Variants in SAMD5 observed in about 807,000 individuals in gnomAD.
The protein encoded by SAMD5 is sterile alpha motif domain-containing protein 5.
Under a neutral mutation model 11.3 loss-of-function variants are expected in SAMD5, and 13 were observed. That is an observed-to-expected ratio of 1.15 (90% CI 0.75 to 1.83). SAMD5 has a LOEUF of 1.83. Ranked by LOEUF, SAMD5 falls within the 40% of genes most tolerant of loss-of-function variation. The pLI, the probability that SAMD5 is intolerant of heterozygous loss-of-function variation, is 0.00. For missense variants in SAMD5, 255 were observed against 239.1 expected (o/e 1.07, Z -0.44); for synonymous variants, 129 against 111.3 (o/e 1.16, Z -1.00).
the SAMD5 span, among the ~76,000 whole-genome samples, chr6:147,864,822 C>T: frequency 6.6e-6 from 1 of 152,166 alleles, no homozygotes; most frequent in Non-Finnish European, 1.5e-5. Flanking sequence ...GTGATGCCTC[C>T]TAATCATAAG....
At chr6:147,779,780 T>C in the SAMD5 span, among the ~76,000 whole-genome samples, 1 of 152,232 alleles carries the variant, frequency 6.6e-6, no homozygotes, top group African/African-American at 2.4e-5. Flanking sequence ...GGTCTGGCAT[T>C]TGCCAGCTGT....
intron 1 of SAMD5, among the ~76,000 whole-genome samples, chr6:147,657,462 CGA>C (rs137964622): frequency 6.6e-6 from 1 of 151,390 alleles, no homozygotes; most frequent in African/African-American, 2.4e-5. Context: ...TGAGAGAGAG[CGA>C]GAGAGAGAGT....
the SAMD5 span, among the ~76,000 whole-genome samples, chr6:147,753,355 G>C: frequency 6.6e-6 from 1 of 152,146 alleles, no homozygotes; most frequent in African/African-American, 2.4e-5. Context: ...AGTTGTAACT[G>C]CTTTGCTATC....
intron 1 of SAMD5, among the ~76,000 whole-genome samples, chr6:147,602,182 A>T (rs1789627167): frequency 6.6e-6 from 1 of 152,226 alleles, no homozygotes; most frequent in African/African-American, 2.4e-5. Flanking sequence ...CACTTCTTAG[A>T]TATCTTTCAT....
chr6:147,945,015 A>C, the SAMD5 span, among the ~76,000 whole-genome samples: 2 of 152,182 alleles, frequency 1.3e-5, no homozygotes, highest in Non-Finnish European at 2.9e-5. Flanking sequence ...TTGCCTGCCA[A>C]TTGCATCTAA....
chr6:147,684,697 A>G (rs187033830), intron 1 of SAMD5, among the ~76,000 whole-genome samples: 223 of 152,338 alleles, frequency 1.5e-3, no homozygotes, highest in Admixed American at 3.3e-3. Context: ...CCAGATGACT[A>G]ATAAAATTGA....
intron 1 of SAMD5, among the ~76,000 whole-genome samples, chr6:147,736,430 G>A (rs185633652): frequency 2.6e-5 from 4 of 151,932 alleles, no homozygotes; most frequent in Admixed American, 1.3e-4. Context: ...ATCATAAATC[G>A]AGAAAAGTCT....
chr6:147,905,793 A>C, the SAMD5 span, among the ~76,000 whole-genome samples: 1 of 152,154 alleles, frequency 6.6e-6, no homozygotes, highest in Non-Finnish European at 1.5e-5. Flanking sequence ...CCCCAAGATA[A>C]TTTTCTTATA....
the SAMD5 span, among the ~76,000 whole-genome samples, chr6:147,838,320 G>A: frequency 6.6e-6 from 1 of 152,126 alleles, no homozygotes; most frequent in Non-Finnish European, 1.5e-5. Flanking sequence ...GAACCTGGAG[G>A]CAGGTATCAT....
At chr6:147,716,990 C>T (rs1444561036) in intron 1 of SAMD5, among the ~76,000 whole-genome samples, 1 of 152,210 alleles carries the variant, frequency 6.6e-6, no homozygotes, top group Non-Finnish European at 1.5e-5. Flanking sequence ...ATTCTCCATA[C>T]ATCTCTCCAT....
At chr6:147,863,967 C>T in the SAMD5 span, among the ~76,000 whole-genome samples, 1 of 151,792 alleles carries the variant, frequency 6.6e-6, no homozygotes, top group East Asian at 1.9e-4. Flanking sequence ...CCTCAGCGTC[C>T]CGAGTAGCTG....
chr6:147,751,601 G>T, the SAMD5 span, among the ~76,000 whole-genome samples: 3 of 152,142 alleles, frequency 2.0e-5, no homozygotes, highest in East Asian at 1.9e-4. Context: ...TTCTCTAGGG[G>T]TTTGCAGAAA....
At chr6:147,640,230 G>A (rs1037064971) in intron 1 of SAMD5, among the ~76,000 whole-genome samples, 1 of 151,716 alleles carries the variant, frequency 6.6e-6, no homozygotes, top group African/African-American at 2.4e-5. Context: ...AGAGGCTGAG[G>A]CAGGAGAATC....
At chr6:147,779,705 C>G in the SAMD5 span, among the ~76,000 whole-genome samples, 1 of 152,186 alleles carries the variant, frequency 6.6e-6, no homozygotes, top group Non-Finnish European at 1.5e-5. Flanking sequence ...ATTACACTAT[C>G]TCTTTGTTCC....
chr6:147,540,485 T>C (rs778304615), intron 1 of SAMD5, among the ~76,000 whole-genome samples: 16 of 152,170 alleles, frequency 1.1e-4, no homozygotes, highest in Non-Finnish European at 1.8e-4. Flanking sequence ...GGTTAAGCTC[T>C]TAAGGACACA....
At chr6:147,877,847 TAC>T in the SAMD5 span, among the ~76,000 whole-genome samples, 2,308 of 113,068 alleles carry the variant, frequency 0.02, 74 homozygotes, top group African/African-American at 0.061. Flanking sequence ...TTTATATAAA[TAC>T]ACACACACAC....
intron 1 of SAMD5, among the ~76,000 whole-genome samples, chr6:147,608,904 T>A (rs991445174): frequency 6.6e-6 from 1 of 152,146 alleles, no homozygotes; most frequent in African/African-American, 2.4e-5. Flanking sequence ...AAACAGCTCG[T>A]GTACCCCATA....
At chr6:147,896,995 A>T in the SAMD5 span, among the ~76,000 whole-genome samples, 1 of 152,186 alleles carries the variant, frequency 6.6e-6, no homozygotes, top group Non-Finnish European at 1.5e-5. Context: ...AAGTACATCC[A>T]TGGTTGTCTG....
intron 1 of SAMD5, among the ~76,000 whole-genome samples, chr6:147,622,338 A>T (rs1789983336): frequency 1.3e-5 from 2 of 152,100 alleles, no homozygotes; most frequent in South Asian, 4.1e-4. Context: ...CTCTATTTTT[A>T]TATGTATCAT....
Sources: allele counts gnomAD v4.1 joint callset (sites outside exome capture counted in the v4.1 genomes callset), GRCh38; gene constraint gnomAD v4.1.1; transcripts MANE v1.5; gene names NCBI Gene and HGNC (gene_info 2026-07-23, HGNC 2026-07-21).